PTPN12: variants seen among roughly 807,000 people sequenced by gnomAD.
The protein encoded by PTPN12 is tyrosine-protein phosphatase non-receptor type 12.
PTPN12 carries 29 observed loss-of-function variants against 97.6 expected under a neutral mutation model. The observed-to-expected ratio is 0.30, with a 90% CI of 0.22 to 0.41. The LOEUF (loss-of-function observed/expected upper bound fraction) is 0.41. PTPN12 is among the 10% of genes least tolerant of loss of function. The pLI is 1.00. For missense variants in PTPN12, 819 were observed against 926.0 expected (o/e 0.88, Z 1.50); for synonymous variants, 327 against 300.4 (o/e 1.09, Z -0.91).
At chr7:77,575,269 T>C (rs1562722496) in intron 2 of PTPN12, among the ~76,000 whole-genome samples, 1 of 152,120 alleles carries the variant, frequency 6.6e-6, no homozygotes, top group Non-Finnish European at 1.5e-5. Context: ...CTGGGCAGAT[T>C]ATTTGAGCTC....
chr7:77,546,147 G>T (rs1807211883), intron 1 of PTPN12, among the ~76,000 whole-genome samples: 1 of 151,898 alleles, frequency 6.6e-6, no homozygotes, highest in Non-Finnish European at 1.5e-5. Context: ...GGCCAGGATG[G>T]TCTCCCCTTT....
rs1789726268 is a variant in PTPN12 at position 77,639,577 on chromosome 7, T to G, written c.*297T>G. The G allele has an allele frequency of 7.0e-6, 2 of 287,188 alleles. No individual in the cohort carries two copies. The highest frequency in any genetic ancestry group is 1.2e-4 in the East Asian group (2 of 16,708). 17.8% of individuals were successfully genotyped at this position (287,188 alleles called of 1,614,324 possible). A position where few individuals can be genotyped will look rare whatever the true frequency, so the allele number is the denominator to read the frequency against. ...ATGATATATTGAGTTTAAGGACTAC[T>G]CTTTTTCTGTTTTATCATGTATGCA... On this transcript the variant is annotated 3_prime_UTR_variant, in exon 18 of 18. Coordinates refer to ENST00000248594, the MANE Select transcript of PTPN12 (RefSeq NM_002835.4).
At chr7:77,613,543 G>T (rs1482435487) in intron 11 of PTPN12, among the ~76,000 whole-genome samples, 1 of 151,376 alleles carries the variant, frequency 6.6e-6, no homozygotes, top group Non-Finnish European at 1.5e-5. Context: ...CAAAGCTAAA[G>T]TTTTTATATC....
At chr7:77,601,928 A>G (rs1162519829) in intron 8 of PTPN12, among the ~76,000 whole-genome samples, 1 of 152,210 alleles carries the variant, frequency 6.6e-6, no homozygotes, top group African/African-American at 2.4e-5. Flanking sequence ...TTACTTCATT[A>G]TAAGGATTAC....
chr7:77,557,193 C>T (rs1807760765), intron 1 of PTPN12, among the ~76,000 whole-genome samples: 1 of 152,106 alleles, frequency 6.6e-6, no homozygotes, highest in Admixed American at 6.5e-5. Context: ...TCTCGAACCC[C>T]TGGGCTCAAG....
chr7:77,559,223 G>A (rs118181364), intron 1 of PTPN12, among the ~76,000 whole-genome samples: 1 of 152,222 alleles, frequency 6.6e-6, no homozygotes, highest in Non-Finnish European at 1.5e-5. Context: ...AGAGGATCGT[G>A]TGTAATTTCA....
intron 15 of PTPN12, 77 bp from the exon 16 acceptor site, chr7:77,636,941 C>T (rs1055483539): frequency 5.4e-6 from 6 of 1,118,918 alleles, no homozygotes; most frequent in Non-Finnish European, 7.9e-6. Flanking sequence ...GGATATATAC[C>T]CATAACAGAC....
chr7:77,613,573 G>T (rs1024064140), intron 11 of PTPN12, among the ~76,000 whole-genome samples: 15 of 151,936 alleles, frequency 9.9e-5, no homozygotes, highest in Admixed American at 2.6e-4. Context: ...AGGTTTTTAG[G>T]CTGGATGCAG....
chr7:77,543,749 A>G (rs1406646969), intron 1 of PTPN12, among the ~76,000 whole-genome samples: 3 of 152,192 alleles, frequency 2.0e-5, no homozygotes, highest in Admixed American at 1.3e-4. Context: ...GACATTTTAT[A>G]TAAATGGAAT....
intron 1 of PTPN12, chr7:77,564,157 G>A: frequency 5.3e-6 from 1 of 188,348 alleles, no homozygotes; most frequent in Non-Finnish European, 1.1e-5. Context: ...GGGATTACAG[G>A]CACAAGCCAC....
intron 13 of PTPN12, among the ~76,000 whole-genome samples, chr7:77,628,684 C>T (rs1789289288): frequency 6.6e-6 from 1 of 151,122 alleles, no homozygotes; most frequent in South Asian, 2.1e-4. Context: ...ATTACAGGCA[C>T]CCACTACCAC....
intron 7 of PTPN12, among the ~76,000 whole-genome samples, chr7:77,600,036 A>G (rs1544589): frequency 0.68 from 103,917 of 152,094 alleles, 36,570 homozygotes; most frequent in East Asian, 0.9. Flanking sequence ...TAAGGCACGT[A>G]ACATTTTAGT....
intron 5 of PTPN12, among the ~76,000 whole-genome samples, chr7:77,587,195 A>G (rs368167747): frequency 6.6e-6 from 1 of 152,128 alleles, no homozygotes; most frequent in African/African-American, 2.4e-5. Context: ...ATCATGATTT[A>G]TGGCAGCTTT....
At chr7:77,597,937 T>C (rs745726584) in intron 7 of PTPN12, 36 bp downstream of exon 7, 5 of 1,601,952 alleles carry the variant, frequency 3.1e-6, no homozygotes, top group Admixed American at 3.5e-5. Flanking sequence ...TCTGTAAGAA[T>C]AGTTTTCAGG....
chr7:77,592,147 A>AC (rs762613311), intron 5 of PTPN12, 38 bp from the exon 6 acceptor site: 10 of 1,529,124 alleles, frequency 6.5e-6, no homozygotes, highest in Non-Finnish European at 9.0e-6. Flanking sequence ...AGAAAAACTT[A>AC]CATGAATTAC....
intron 1 of PTPN12, among the ~76,000 whole-genome samples, chr7:77,540,460 A>G (rs1806911930): frequency 6.6e-6 from 1 of 151,166 alleles, no homozygotes. Context: ...CTGGTCTTGA[A>G]CTTTCATCTG....
chr7:77,578,017 A>G (rs952911745), intron 2 of PTPN12, among the ~76,000 whole-genome samples: 2 of 152,126 alleles, frequency 1.3e-5, no homozygotes, highest in African/African-American at 4.8e-5. Flanking sequence ...CATCTTAGAA[A>G]ATTTTTTAAA....
At chr7:77,630,015 G>A (rs988770099) in intron 13 of PTPN12, among the ~76,000 whole-genome samples, 43 of 150,894 alleles carry the variant, frequency 2.8e-4, no homozygotes, top group Admixed American at 2.6e-3. Flanking sequence ...TGTTTGTTTG[G>A]TTTTGTATTT....
chr7:77,563,740 AAGGG>A (rs1808100436), intron 1 of PTPN12, among the ~76,000 whole-genome samples: 2 of 152,204 alleles, frequency 1.3e-5, no homozygotes, highest in African/African-American at 4.8e-5. Flanking sequence ...TCTGAAAAAA[AAGGG>A]AGAGAATTAG....
Sources: gnomAD v4.1 joint callset for allele counts (sites outside exome capture counted in the v4.1 genomes callset) on GRCh38, gnomAD v4.1.1 for gene constraint, MANE v1.5 for transcripts, NCBI Gene and HGNC (gene_info 2026-07-23, HGNC 2026-07-21) for gene names.